Variants in ASIP observed in about 807,000 individuals in gnomAD.
ASIP encodes the protein agouti-signaling protein.
In ASIP, 11 loss-of-function variants were observed where a neutral mutation model predicts 10.3. The ratio of observed to expected loss-of-function variants is 1.07; its 90% confidence interval spans 0.68 to 1.78. The LOEUF (loss-of-function observed/expected upper bound fraction) is 1.78, where lower values mean the gene tolerates loss of function less well. Ranked by LOEUF, ASIP falls within the 40% of genes most tolerant of loss-of-function variation. The pLI, the probability that ASIP is intolerant of heterozygous loss-of-function variation, is 0.00. For missense variants in ASIP, 180 were observed against 169.2 expected (o/e 1.06, Z -0.35); for synonymous variants, 70 against 70.8 (o/e 0.99, Z 0.06).
intron 1 of ASIP, among the ~76,000 whole-genome samples, chr20:34,200,353 G>A (rs1247257319): frequency 6.6e-6 from 1 of 152,174 alleles, no homozygotes; most frequent in Non-Finnish European, 1.5e-5. Context: ...AAGAAATACA[G>A]TACTAAAGTT....
chr20:34,222,101 C>A (rs1378702546), intron 1 of ASIP, among the ~76,000 whole-genome samples: 3 of 152,072 alleles, frequency 2.0e-5, no homozygotes, highest in South Asian at 2.1e-4. Context: ...CAGAGTGAGA[C>A]CCTATCTCAA....
At chr20:34,252,737 C>A (rs779151957) in intron 1 of ASIP, among the ~76,000 whole-genome samples, 1 of 152,080 alleles carries the variant, frequency 6.6e-6, no homozygotes, top group Admixed American at 6.6e-5. Context: ...TCCTTTCCCA[C>A]GAGGCCATAT....
intron 1 of ASIP, among the ~76,000 whole-genome samples, chr20:34,251,808 C>A (rs1174933699): frequency 2.0e-5 from 3 of 152,068 alleles, no homozygotes; most frequent in Non-Finnish European, 4.4e-5. Context: ...AAGGGAAAGC[C>A]CTTCCACCTT....
chr20:34,224,197 A>T (rs2035077008), intron 1 of ASIP, among the ~76,000 whole-genome samples: 1 of 150,682 alleles, frequency 6.6e-6, no homozygotes, highest in African/African-American at 2.4e-5. Flanking sequence ...TCTGTGAGAA[A>T]CACCCAAGAA....
In ASIP at chr20:34,246,443, C is replaced by T. The variant is rs2035377170; in HGVS notation, c.-11+4954C>T. 6 of 1,403,730 alleles carry T rather than the reference C, an allele frequency of 4.3e-6. No homozygotes were observed. In the South Asian group the frequency reaches 5.9e-5, roughly 14 times the overall value. 87.0% of individuals were successfully genotyped at this position (1,403,730 alleles called of 1,614,324 possible). A position where few individuals can be genotyped will look rare whatever the true frequency, so the allele number is the denominator to read the frequency against. On this transcript the variant is annotated intron_variant, in intron 1 of 3. Transcript: ENST00000374954. ...CTCTGTTGGTAATGAACAGACTCCA[C>T]AATAAAGGACTCGAAGTGGGTAATT...
chr20:34,195,489 G>A (rs752990372), intron 1 of ASIP, among the ~76,000 whole-genome samples: 5 of 152,160 alleles, frequency 3.3e-5, no homozygotes, highest in African/African-American at 7.2e-5. Flanking sequence ...GGGCACTTAC[G>A]CTGATGGCTT....
intron 1 of ASIP, chr20:34,213,570 G>T (rs1425222742): frequency 6.5e-7 from 1 of 1,547,856 alleles, no homozygotes; most frequent in Non-Finnish European, 8.8e-7. Context: ...GCAGGGGCAT[G>T]AACATCTGTT....
chr20:34,223,785 A>ATCCC (rs1299563836), intron 1 of ASIP, among the ~76,000 whole-genome samples: 2 of 133,598 alleles, frequency 1.5e-5, no homozygotes, highest in East Asian at 4.4e-4. Context: ...AAGGCGGGAA[A>ATCCC]GGTGGGGAAA....
intron 1 of ASIP, chr20:34,215,847 C>G: frequency 3.0e-6 from 4 of 1,329,668 alleles, no homozygotes; most frequent in Non-Finnish European, 4.3e-6. Flanking sequence ...AGTCTAAAGT[C>G]TGAATCAGCA....
intron 1 of ASIP, chr20:34,214,227 TA>T: frequency 7.3e-7 from 1 of 1,370,934 alleles, no homozygotes; most frequent in Non-Finnish European, 1.0e-6. Context: ...AGAAAACAGG[TA>T]AGCCATCTTG....
chr20:34,213,170 T>C (rs2034985444), intron 1 of ASIP, among the ~76,000 whole-genome samples: 1 of 152,146 alleles, frequency 6.6e-6, no homozygotes, highest in African/African-American at 2.4e-5. Context: ...TCTTGCTCCT[T>C]CTCCTCCATC....
intron 1 of ASIP, among the ~76,000 whole-genome samples, chr20:34,253,558 C>T (rs773427277): frequency 1.3e-5 from 2 of 151,652 alleles, no homozygotes; most frequent in African/African-American, 2.4e-5. Flanking sequence ...CTGCAACCTC[C>T]GCCTCCCGGT....
chr20:34,216,281 C>A (rs1255320102), intron 1 of ASIP, among the ~76,000 whole-genome samples: 1 of 152,200 alleles, frequency 6.6e-6, no homozygotes, highest in Non-Finnish European at 1.5e-5. Flanking sequence ...GCTGAGTCAG[C>A]GCGAAGCGCC....
At chr20:34,206,509 G>T (rs906306224) in intron 1 of ASIP, among the ~76,000 whole-genome samples, 4 of 152,124 alleles carry the variant, frequency 2.6e-5, no homozygotes, top group Admixed American at 2.0e-4. Context: ...TGTTGCAAAT[G>T]ACAGAATTTC....
chr20:34,206,206 G>A (rs1174096246), intron 1 of ASIP, among the ~76,000 whole-genome samples: 5 of 151,944 alleles, frequency 3.3e-5, no homozygotes, highest in African/African-American at 9.7e-5. Flanking sequence ...TATGTTGGCC[G>A]GACTGGTCTT....
intron 1 of ASIP, among the ~76,000 whole-genome samples, chr20:34,232,296 A>G (rs1341202167): frequency 6.6e-6 from 1 of 152,236 alleles, no homozygotes. Flanking sequence ...ATACTCTATA[A>G]GATGAGGAGG....
At chr20:34,189,403 C>A in the ASIP span, among the ~76,000 whole-genome samples, 1 of 152,132 alleles carries the variant, frequency 6.6e-6, no homozygotes, top group African/African-American at 2.4e-5. Flanking sequence ...CCACCACGCC[C>A]GGCTAATTTT....
At chr20:34,237,597 C>G (rs1276838032), upstream of ASIP, among the ~76,000 whole-genome samples, 1 of 152,170 alleles carries the variant, frequency 6.6e-6, no homozygotes, top group Non-Finnish European at 1.5e-5. Context: ...TATCTGTGAA[C>G]AGAGATCATT....
At chr20:34,235,811 AAG>A (rs1449961869) in intron 1 of ASIP, among the ~76,000 whole-genome samples, 3 of 58,992 alleles carry the variant, frequency 5.1e-5, no homozygotes, top group African/African-American at 3.8e-4. Context: ...GAAAGAAAGA[AAG>A]AAAGAAAGAA....
Sources: gnomAD v4.1 joint callset for allele counts (sites outside exome capture counted in the v4.1 genomes callset) on GRCh38, gnomAD v4.1.1 for gene constraint, MANE v1.5 for transcripts, NCBI Gene and HGNC (gene_info 2026-07-23, HGNC 2026-07-21) for gene names.